The following GFOD1 variants were observed in gnomAD, a reference collection of about 807,000 sequenced individuals.
GFOD1 encodes Gfo/Idh/MocA-like oxidoreductase domain containing 1, also known as glucose-fructose oxidoreductase domain-containing protein 1.
A neutral mutation model predicts 25.4 loss-of-function variants in GFOD1; 9 were observed. The observed-to-expected ratio is 0.35, with a 90% confidence interval of 0.21 to 0.62. GFOD1 has a LOEUF of 0.62. GFOD1 is among the 20% of genes least tolerant of loss of function. The probability of loss-of-function intolerance (pLI) is 0.72; values close to 1 mark genes in which losing one functional copy is unlikely to be tolerated. For synonymous variants in GFOD1, 253 were observed against 245.6 expected (o/e 1.03, Z -0.28); for missense variants, 403 against 556.9 (o/e 0.72, Z 2.78).
At chr6:13,416,577 A>T (rs1226645697) in intron 1 of GFOD1, among the ~76,000 whole-genome samples, 1 of 152,156 alleles carries the variant, frequency 6.6e-6, no homozygotes, top group Non-Finnish European at 1.5e-5. Context: ...GTGCCATCAC[A>T]AAAGGGATAG....
intron 1 of GFOD1, among the ~76,000 whole-genome samples, chr6:13,483,353 C>T (rs188747594): frequency 6.6e-6 from 1 of 152,288 alleles, no homozygotes; most frequent in Non-Finnish European, 1.5e-5. Context: ...TTCAAGGAAA[C>T]CCCAGCAGGG....
intron 1 of GFOD1, among the ~76,000 whole-genome samples, chr6:13,471,079 G>A (rs1230403495): frequency 1.3e-5 from 2 of 152,186 alleles, no homozygotes; most frequent in Non-Finnish European, 2.9e-5. Flanking sequence ...GTGGAGAGAG[G>A]AGGAATAAAG....
chr6:13,433,844 G>C (rs1757789947), intron 1 of GFOD1, among the ~76,000 whole-genome samples: 1 of 152,152 alleles, frequency 6.6e-6, no homozygotes, highest in South Asian at 2.1e-4. Flanking sequence ...GTCAGTCAGA[G>C]AGCCGACTCT....
chr6:13,465,609 C>T (rs569942262), intron 1 of GFOD1, among the ~76,000 whole-genome samples: 38 of 152,258 alleles, frequency 2.5e-4, no homozygotes, highest in African/African-American at 7.0e-4. Flanking sequence ...CTGATGTAAC[C>T]GGTCTGGGGT....
intron 1 of GFOD1, among the ~76,000 whole-genome samples, chr6:13,449,466 GAA>G (rs1449122760): frequency 6.6e-6 from 1 of 152,186 alleles, no homozygotes; most frequent in Non-Finnish European, 1.5e-5. Context: ...AAAGCATTCA[GAA>G]AAAGTTATGT....
intron 1 of GFOD1, among the ~76,000 whole-genome samples, chr6:13,455,810 C>A (rs1328806483): frequency 1.3e-5 from 2 of 152,210 alleles, no homozygotes; most frequent in African/African-American, 4.8e-5. Context: ...ACTCTGCTAA[C>A]AGGGAGGGGG....
chr6:13,449,745 T>C (rs185722743), intron 1 of GFOD1, among the ~76,000 whole-genome samples: 91 of 152,342 alleles, frequency 6.0e-4, no homozygotes, highest in Non-Finnish European at 8.8e-4. Context: ...CCATGTAAGA[T>C]GTGCCTTTTG....
chr6:13,429,939 C>T (rs1056152791), intron 1 of GFOD1, among the ~76,000 whole-genome samples: 5 of 152,152 alleles, frequency 3.3e-5, no homozygotes, highest in African/African-American at 1.2e-4. Flanking sequence ...CACTACTTCT[C>T]ATCTCACATG....
intron 1 of GFOD1, among the ~76,000 whole-genome samples, chr6:13,367,181 G>C (rs776821498): frequency 6.6e-6 from 1 of 152,002 alleles, no homozygotes; most frequent in East Asian, 1.9e-4. Context: ...CCTGTATTTG[G>C]ACAGAATAAG....
At chr6:13,410,611 AG>A (rs1229411882) in intron 1 of GFOD1, among the ~76,000 whole-genome samples, 1 of 127,680 alleles carries the variant, frequency 7.8e-6, no homozygotes. Context: ...AGAGAGAGAG[AG>A]AGGAAGGAAG....
chr6:13,447,366 T>C (rs1222110846), intron 1 of GFOD1, among the ~76,000 whole-genome samples: 1 of 152,194 alleles, frequency 6.6e-6, no homozygotes, highest in African/African-American at 2.4e-5. Context: ...CCCCTTTTTA[T>C]AAGAACATCC....
At chr6:13,477,545 T>G (rs1758655286) in intron 1 of GFOD1, among the ~76,000 whole-genome samples, 1 of 152,026 alleles carries the variant, frequency 6.6e-6, no homozygotes, top group South Asian at 2.1e-4. Flanking sequence ...TTGGTAAAGG[T>G]CTACAAACCT....
Position 13,487,357 on chromosome 6 carries a change from C to G in GFOD1, c.-467G>C, listed in dbSNP as rs953869889. On this transcript the variant is annotated 5_prime_UTR_variant, in exon 1 of 2. Transcript: ENST00000379287. This position sits in a 1 kb window ranked among gnomAD's most constrained non-coding sequence, Gnocchi z 4.9. ...AATCGCACAGACAAACGTCTACACC[C>G]TGCCAGAGCACGGAACCGCTCCGCG... is the stretch of plus-strand genomic sequence containing the variant. The G allele has an allele frequency of 1.9e-5, 3 of 157,630 alleles. No individual in the cohort carries two copies. The highest frequency in any genetic ancestry group is 7.2e-5 in the African/African-American group (3 of 41,666). The allele number at this position is 157,630 out of a possible 1,614,324, so 9.8% of individuals were successfully genotyped here. A position where few individuals can be genotyped will look rare whatever the true frequency, so the allele number is the denominator to read the frequency against.
In GFOD1 at chr6:13,360,326, T is replaced by A. The variant is rs754174663; in HGVS notation, c.*4417A>T. The A allele has an allele frequency of 3.2e-5, 8 of 252,104 alleles. No homozygotes were observed. The highest frequency in any genetic ancestry group is 5.5e-5 in the Non-Finnish European group (7 of 126,382). The allele number at this position is 252,104 out of a possible 1,614,324, so 15.6% of individuals were successfully genotyped here. ...CCAGTACCCACCAGAATGCAAGAGA[T>A]CAGATCAGAAACCCAACTTATGATC... On this transcript the variant is annotated 3_prime_UTR_variant, in exon 2 of 2. Transcript: ENST00000379287.
chr6:13,451,244 G>A lies in GFOD1; in HGVS notation c.253+35394C>T, dbSNP rs80185686. Among the ~76,000 whole-genome samples, 17 of 152,218 alleles carry A rather than the reference G, an allele frequency of 1.1e-4. No individual in the cohort carries two copies. The East Asian group carries it at 1.7e-3, about 16-fold the overall frequency. On this transcript the variant is annotated intron_variant, in intron 1 of 1. Transcript: ENST00000379287. ...CTGGCCTTGAAAACCTTTCTCTTCC[G>A]CCAGACTCTACTGGCCCCAAACATG...
At chr6:13,393,679 C>T (rs1038663994) in intron 1 of GFOD1, among the ~76,000 whole-genome samples, 4 of 151,714 alleles carry the variant, frequency 2.6e-5, no homozygotes, top group Non-Finnish European at 5.9e-5. Context: ...TCATTGATTA[C>T]AAACAACTGT....
In GFOD1 at chr6:13,361,137, T is replaced by C. The variant is rs1474322789; in HGVS notation, c.*3606A>G. On this transcript the variant is annotated 3_prime_UTR_variant, in exon 2 of 2. Coordinates refer to ENST00000379287, the MANE Select transcript of GFOD1 (RefSeq NM_018988.4). ...GGAGTTGGCCAAGACTACCCTAGAG[T>C]CCAGATATAACTGGCACAGTGGTAT... 3 of 331,058 alleles carry C rather than the reference T, an allele frequency of 9.1e-6. No homozygotes were observed. The Admixed American group carries it at 1.3e-4, about 14-fold the overall frequency. 20.5% of individuals were successfully genotyped at this position (331,058 alleles called of 1,614,324 possible).
At chr6:13,387,745 A>G (rs1785505805) in intron 1 of GFOD1, among the ~76,000 whole-genome samples, 1 of 152,162 alleles carries the variant, frequency 6.6e-6, no homozygotes, top group Non-Finnish European at 1.5e-5. Flanking sequence ...CCTATTCAAC[A>G]CAGTGTTGGA....
At chr6:13,477,214 GGGGTGTGTGTGTGTGT>G (rs1381023381) in intron 1 of GFOD1, among the ~76,000 whole-genome samples, 4 of 7,642 alleles carry the variant, frequency 5.2e-4, no homozygotes, top group African/African-American at 8.6e-4. Flanking sequence ...GAACCAATAG[GGGGTGTGTGTGTGTGT>G]GTGTGTGTGT....
Sources: gnomAD v4.1 joint callset for allele counts (sites outside exome capture counted in the v4.1 genomes callset) on GRCh38, gnomAD v4.1.1 for gene constraint, Gnocchi (gnomAD v3.1) non-coding constraint, MANE v1.5 for transcripts, NCBI Gene and HGNC (gene_info 2026-07-23, HGNC 2026-07-21) for gene names.